Variants in CDH18 observed in about 807,000 individuals in gnomAD.
CDH18 encodes cadherin 18, also known as cadherin-18.
Under a neutral mutation model 67.9 loss-of-function variants are expected in CDH18, and 31 were observed. The ratio of observed to expected loss-of-function variants is 0.46; its 90% confidence interval spans 0.34 to 0.62. CDH18 has a LOEUF of 0.62. CDH18 is among the 20% of genes least tolerant of loss of function. The probability of loss-of-function intolerance (pLI) is 0.01; values close to 1 mark genes in which losing one functional copy is unlikely to be tolerated. For synonymous variants in CDH18, 362 were observed against 347.2 expected, an observed-to-expected ratio of 1.04 and a Z score of -0.48; for missense variants, 890 against 975.5, an observed-to-expected ratio of 0.91 and a Z score of 1.17.
chr5:19,847,877 G>T (rs1219320114), intron 2 of CDH18, among the ~76,000 whole-genome samples: 1 of 152,000 alleles, frequency 6.6e-6, no homozygotes, highest in Admixed American at 6.6e-5. Flanking sequence ...TCTTTCTGGT[G>T]TCTATATGGT....
At chr5:20,139,119 T>C (rs1174696013) in intron 2 of CDH18, among the ~76,000 whole-genome samples, 1 of 151,998 alleles carries the variant, frequency 6.6e-6, no homozygotes, top group Non-Finnish European at 1.5e-5. Context: ...AAAACAGAGA[T>C]ATAGACCAAT....
chr5:20,338,621 C>A (rs1003572723), intron 1 of CDH18, among the ~76,000 whole-genome samples: 1 of 152,126 alleles, frequency 6.6e-6, no homozygotes, highest in Non-Finnish European at 1.5e-5. Context: ...AGGTTACATC[C>A]TTTTGAGACA....
Position 19,591,139 on chromosome 5 carries a change from G to A in CDH18, c.917C>T (p.Ser306Phe). ...TCCCATGCCATCACCATTTATGATGGAGTAGGTCATGTCAGCATTTGAGCC... is the reference window on the plus strand; with the variant it reads ...TCCCATGCCATCACCATTTATGATGAAGTAGGTCATGTCAGCATTTGAGCC... Reference protein sequence around the residue: ...DTGSNADMTYSIINGDGMGIF... With the variant: ...DTGSNADMTYFIINGDGMGIF... Residue 306 changes from serine (S) to phenylalanine (F), a missense_variant, in exon 7 of 13, where the codon TCC (serine) becomes TTC (phenylalanine). This residue lies in a region of CDH18 where 656 missense variants were observed against 668.1 expected (regional missense o/e 0.98). Transcript: ENST00000382275. 6.2e-7 allele frequency: 1 copy of A among 1,611,880 alleles called. No individual in the cohort carries two copies. The highest frequency in any genetic ancestry group is 8.5e-7 in the Non-Finnish European group (1 of 1,178,430).
intron 2 of CDH18, among the ~76,000 whole-genome samples, chr5:20,021,467 A>G (rs1738414086): frequency 6.6e-6 from 1 of 152,064 alleles, no homozygotes; most frequent in Non-Finnish European, 1.5e-5. Flanking sequence ...ATGTTGAAGG[A>G]GGGGCCTGGT....
chr5:20,088,062 C>T (rs981568289), intron 2 of CDH18, among the ~76,000 whole-genome samples: 10 of 152,130 alleles, frequency 6.6e-5, no homozygotes. Flanking sequence ...GAAAGAAATG[C>T]TACAATTAAA....
intron 5 of CDH18, among the ~76,000 whole-genome samples, chr5:19,629,547 C>T (rs1580589489): frequency 6.6e-6 from 1 of 152,260 alleles, no homozygotes; most frequent in Non-Finnish European, 1.5e-5. Context: ...TAAAAAATTA[C>T]CAATCAGGCT....
At chr5:19,497,877 T>C (rs758786237) in intron 11 of CDH18, among the ~76,000 whole-genome samples, 4 of 152,198 alleles carry the variant, frequency 2.6e-5, no homozygotes, top group Admixed American at 6.5e-5. Context: ...TGAGCTGAGA[T>C]TGTACCTACT....
At chr5:19,709,324 T>C (rs1232214918) in intron 5 of CDH18, among the ~76,000 whole-genome samples, 1 of 152,116 alleles carries the variant, frequency 6.6e-6, no homozygotes, top group Non-Finnish European at 1.5e-5. Context: ...TCCCAGCACA[T>C]TGGGAGGCCA....
At chr5:19,684,064 G>A (rs186398058) in intron 5 of CDH18, among the ~76,000 whole-genome samples, 233 of 152,008 alleles carry the variant, frequency 1.5e-3, no homozygotes, top group Non-Finnish European at 2.9e-3. Context: ...ACTTCTCCGT[G>A]CCCCCAGTTC....
intron 5 of CDH18, among the ~76,000 whole-genome samples, chr5:19,662,644 G>A (rs977162282): frequency 5.3e-5 from 8 of 151,902 alleles, no homozygotes; most frequent in African/African-American, 1.9e-4. Flanking sequence ...AATCTGATGA[G>A]CCACAAACCA....
chr5:20,352,068 A>C (rs1267204060), intron 1 of CDH18, among the ~76,000 whole-genome samples: 1 of 152,148 alleles, frequency 6.6e-6, no homozygotes, highest in Non-Finnish European at 1.5e-5. Context: ...AATCTGCATC[A>C]ATCATTTATG....
At chr5:20,571,512 A>G (rs575192540) in intron 1 of CDH18, among the ~76,000 whole-genome samples, 1 of 152,268 alleles carries the variant, frequency 6.6e-6, no homozygotes, top group East Asian at 1.9e-4. Context: ...GCATTATATT[A>G]TATACCAGTA....
intron 2 of CDH18, among the ~76,000 whole-genome samples, chr5:19,994,723 A>G: frequency 4.3e-5 from 1 of 23,474 alleles, no homozygotes; most frequent in East Asian, 1.2e-3. Flanking sequence ...ATATATATAT[A>G]TATATATATA....
intron 5 of CDH18, among the ~76,000 whole-genome samples, chr5:19,636,818 A>T (rs1413793687): frequency 2.0e-5 from 3 of 152,154 alleles, no homozygotes; most frequent in Non-Finnish European, 4.4e-5. Context: ...TGAAAATAAA[A>T]CAAGCTGAAA....
At chr5:19,943,452 A>G (rs1006623570) in intron 2 of CDH18, among the ~76,000 whole-genome samples, 2 of 152,136 alleles carry the variant, frequency 1.3e-5, no homozygotes, top group Admixed American at 6.5e-5. Flanking sequence ...TCAGATTGTA[A>G]ATAACCAATC....
intron 5 of CDH18, among the ~76,000 whole-genome samples, chr5:19,715,538 C>T (rs369543912): frequency 1.3e-5 from 2 of 152,028 alleles, no homozygotes; most frequent in African/African-American, 4.8e-5. Flanking sequence ...ATTTTATTGT[C>T]TAACTTTTAT....
chr5:20,396,616 T>G (rs1383706162), intron 1 of CDH18, among the ~76,000 whole-genome samples: 4 of 150,574 alleles, frequency 2.7e-5, no homozygotes, highest in African/African-American at 9.7e-5. Flanking sequence ...GCAAATAATT[T>G]TATTCACAAA....
chr5:19,957,820 AG>A (rs1354288424), intron 2 of CDH18, among the ~76,000 whole-genome samples: 1 of 145,222 alleles, frequency 6.9e-6, no homozygotes, highest in Non-Finnish European at 1.5e-5. Flanking sequence ...TCAGAGTTAA[AG>A]GATTCTGCTG....
At chr5:19,745,383 C>T (rs550289571) in intron 4 of CDH18, among the ~76,000 whole-genome samples, 156 of 152,282 alleles carry the variant, frequency 1.0e-3, no homozygotes, top group African/African-American at 3.7e-3. Context: ...GCCTGTTTTT[C>T]TCTCTAGTGC....
Sources: gnomAD v4.1 joint callset for allele counts (sites outside exome capture counted in the v4.1 genomes callset) on GRCh38, gnomAD v4.1.1 for gene constraint, gnomAD v4.1.1 regional missense constraint, MANE v1.5 for transcripts, NCBI Gene and HGNC (gene_info 2026-07-23, HGNC 2026-07-21) for gene names.